The following MAML2 variants were observed in gnomAD, a reference collection of about 807,000 sequenced individuals.
The protein encoded by MAML2 is mastermind-like protein 2.
MAML2 carries 22 observed loss-of-function variants against 96.1 expected under a neutral mutation model. The ratio of observed to expected loss-of-function variants is 0.23; its 90% CI spans 0.16 to 0.33. The LOEUF (loss-of-function observed/expected upper bound fraction) is 0.33. MAML2 is among the 10% of genes least tolerant of loss of function. The probability of loss-of-function intolerance (pLI) is 1.00; values close to 1 mark genes in which losing one functional copy is unlikely to be tolerated. For synonymous variants in MAML2, 561 were observed against 521.3 expected, an observed-to-expected ratio of 1.08 and a Z score of -1.04; for missense variants, 1,367 against 1,392.4, an observed-to-expected ratio of 0.98 and a Z score of 0.29.
intron 1 of MAML2, among the ~76,000 whole-genome samples, chr11:96,319,606 C>G (rs1206106915): frequency 1.3e-5 from 2 of 152,090 alleles, no homozygotes; most frequent in Non-Finnish European, 2.9e-5. Context: ...TTGCTATGGT[C>G]TCTTTTGCTT....
chr11:96,293,141 C>T (rs951325069), intron 1 of MAML2, among the ~76,000 whole-genome samples: 4 of 152,100 alleles, frequency 2.6e-5, no homozygotes, highest in South Asian at 2.1e-4. Context: ...TGTGTCTCTT[C>T]GAAAGAATCA....
intron 2 of MAML2, among the ~76,000 whole-genome samples, chr11:96,000,933 A>G (rs1424790547): frequency 1.3e-5 from 2 of 152,180 alleles, no homozygotes; most frequent in Non-Finnish European, 2.9e-5. Flanking sequence ...GATGAAGGTC[A>G]AGCTTGAAAA....
In MAML2 at chr11:95,979,328, G is replaced by T. The variant is rs772445537; in HGVS notation, c.3091C>A (p.Gln1031Lys). 1.2e-6 allele frequency: 2 copies of T among 1,613,906 alleles called. No individual in the cohort carries two copies. The highest frequency in any genetic ancestry group is 1.7e-6 in the Non-Finnish European group (2 of 1,179,870). The change falls in exon 5 of 5, where the codon CAA (glutamine) becomes AAA (lysine). Residue 1031 changes from glutamine (Q) to lysine (K), a missense_variant. Physicochemically the swap from Gln to Lys is moderately conservative, Grantham distance 53 (BLOSUM62 1). Transcript: ENST00000524717. ...TPAVQMRPMN[Q>K]MSQTLNGQTM... The stretch of plus-strand genomic sequence containing the variant: ...TGCCCATTTAGTGTTTGGCTCATTT[G>T]GTTCATGGGTCTCATTTGCACTGCT...
chr11:96,102,901 C>A (rs1467235373), intron 1 of MAML2, among the ~76,000 whole-genome samples: 2 of 152,212 alleles, frequency 1.3e-5, no homozygotes, highest in African/African-American at 4.8e-5. Context: ...CAAAATATAT[C>A]GAAGCAAATC....
rs1454970375 is a variant in MAML2, at chr11:96,095,152, A to T, written c.514-1635T>A. 3.3e-5 allele frequency among the ~76,000 whole-genome samples: 5 copies of T among 152,174 alleles called. 1 individual carries two copies. Among genetic ancestry groups the T allele is most frequent in the Non-Finnish European group, 5.9e-5 (4 of 68,028 alleles). Reference sequence around the variant, plus strand: ...CTAAAGCATATGTCATTTACACTCTAACATGCTCTAATTAGTTTGTTCAGG... The same window carrying T: ...CTAAAGCATATGTCATTTACACTCTTACATGCTCTAATTAGTTTGTTCAGG... On this transcript the variant is annotated intron_variant, in intron 1 of 4. Transcript: ENST00000524717.
At chr11:96,324,435 C>T (rs1169674542) in intron 1 of MAML2, among the ~76,000 whole-genome samples, 1 of 152,154 alleles carries the variant, frequency 6.6e-6, no homozygotes, top group East Asian at 1.9e-4. Context: ...CAGTATTTCA[C>T]ATTTGGTGTA....
chr11:96,300,659 A>G lies in MAML2; in HGVS notation c.513+40724T>C, dbSNP rs185623426. Among the ~76,000 whole-genome samples, 7 of 152,310 alleles carry G rather than the reference A, an allele frequency of 4.6e-5. No homozygotes were observed. In the East Asian group the frequency reaches 1.2e-3, roughly 25 times the overall value. On this transcript the variant is annotated intron_variant, in intron 1 of 4. Transcript: ENST00000524717. ...ATGGAAAAGAGTTTTCAGTGTGCAC[A>G]ATGGAAAGCACTGGAAGAGAAATCA... is the stretch of plus-strand genomic sequence containing the variant.
intron 2 of MAML2, among the ~76,000 whole-genome samples, chr11:96,026,460 G>A (rs902415482): frequency 6.6e-6 from 1 of 152,160 alleles, no homozygotes; most frequent in African/African-American, 2.4e-5. Context: ...ACACTGGTAA[G>A]AGCATCGGCT....
intron 1 of MAML2, among the ~76,000 whole-genome samples, chr11:96,179,147 T>G (rs1292149552): frequency 6.6e-6 from 1 of 152,210 alleles, no homozygotes. Flanking sequence ...CTGCATGTTG[T>G]GACAATGACC....
At chr11:96,154,937 C>G (rs371558246) in intron 1 of MAML2, among the ~76,000 whole-genome samples, 2 of 152,190 alleles carry the variant, frequency 1.3e-5, no homozygotes, top group East Asian at 3.9e-4. Context: ...AGCTGTAACA[C>G]TCCGGCCTCT....
At chr11:96,208,963 AAG>A (rs1328577550) in intron 1 of MAML2, among the ~76,000 whole-genome samples, 1 of 152,206 alleles carries the variant, frequency 6.6e-6, no homozygotes, top group Non-Finnish European at 1.5e-5. Flanking sequence ...GTTATCTGTT[AAG>A]AGTTTTCAAA....
chr11:96,254,183 A>G (rs1316386743), intron 1 of MAML2, among the ~76,000 whole-genome samples: 1 of 152,230 alleles, frequency 6.6e-6, no homozygotes, highest in Non-Finnish European at 1.5e-5. Flanking sequence ...CTTTCACTCA[A>G]TACAAAGTTC....
At chr11:96,137,217 AG>A (rs1241586735) in intron 1 of MAML2, among the ~76,000 whole-genome samples, 5 of 152,218 alleles carry the variant, frequency 3.3e-5, no homozygotes, top group African/African-American at 1.2e-4. Context: ...TAAATTGTAG[AG>A]TGAAATCAGG....
At chr11:96,315,440 A>G (rs954105591) in intron 1 of MAML2, among the ~76,000 whole-genome samples, 1 of 152,232 alleles carries the variant, frequency 6.6e-6, no homozygotes, top group Non-Finnish European at 1.5e-5. Flanking sequence ...CTATATGCTT[A>G]TCTCCACTTA....
intron 1 of MAML2, among the ~76,000 whole-genome samples, chr11:96,215,941 C>G (rs1862043254): frequency 2.0e-5 from 3 of 152,094 alleles, no homozygotes; most frequent in Admixed American, 6.5e-5. Context: ...CTTCCAAACA[C>G]ATTTCAAAAA....
At chr11:96,080,032 A>G (rs1859507727) in intron 2 of MAML2, among the ~76,000 whole-genome samples, 2 of 152,230 alleles carry the variant, frequency 1.3e-5, no homozygotes, top group Admixed American at 1.3e-4. Flanking sequence ...CAAATGAAAG[A>G]AAAGTTAGGT....
chr11:96,119,529 A>T (rs1304178253), intron 1 of MAML2, among the ~76,000 whole-genome samples: 1 of 152,146 alleles, frequency 6.6e-6, no homozygotes, highest in African/African-American at 2.4e-5. Flanking sequence ...TTGAAGTGTA[A>T]TGTGATGTAT....
intron 1 of MAML2, among the ~76,000 whole-genome samples, chr11:96,335,653 G>GT (rs1863911894): frequency 6.6e-6 from 1 of 152,174 alleles, no homozygotes; most frequent in African/African-American, 2.4e-5. Context: ...GAGGGGAAAT[G>GT]TAATACTTGT....
At chr11:95,983,862 TTAATG>T (rs1857782850) in intron 4 of MAML2, among the ~76,000 whole-genome samples, 1 of 152,010 alleles carries the variant, frequency 6.6e-6, no homozygotes, top group Non-Finnish European at 1.5e-5. Context: ...AGCAAAAAAA[TTAATG>T]TAAAAGTTAA....
Sources: allele counts gnomAD v4.1 joint callset (sites outside exome capture counted in the v4.1 genomes callset), GRCh38; gene constraint gnomAD v4.1.1; transcripts MANE v1.5; gene names NCBI Gene and HGNC (gene_info 2026-07-23, HGNC 2026-07-21).